Variants in IL18R1 observed in about 807,000 individuals in gnomAD.
IL18R1 encodes the protein interleukin-18 receptor 1.
IL18R1 carries 40 observed loss-of-function variants against 48.5 expected under a neutral mutation model. The observed-to-expected ratio is 0.82, with a 90% CI of 0.64 to 1.07. IL18R1 has a LOEUF of 1.07. Ranked by LOEUF, IL18R1 falls within the 50% of genes least tolerant of loss-of-function variation. The pLI is 0.00. For synonymous variants in IL18R1, 232 were observed against 225.9 expected (o/e 1.03, Z -0.24); for missense variants, 596 against 633.7 (o/e 0.94, Z 0.64).
In IL18R1 at chr2:102,367,877, T is replaced by C. The variant is rs1679001023; in HGVS notation, c.111T>C (p.Tyr37=). The C allele has an allele frequency of 1.2e-6, 2 of 1,613,938 alleles. No individual in the cohort carries two copies. The highest frequency in any genetic ancestry group is 1.3e-5 in the African/African-American group (1 of 74,952). Residue 37 remains tyrosine, a synonymous_variant, in exon 3 of 11, where the codon TAT becomes TAC. Coordinates refer to ENST00000233957, the MANE Select transcript of IL18R1 (RefSeq NM_003855.5). ...CTGTGGTTGAAGGGGAACCTTTCTA[T>C]CTGAAACATTGCTCGTGTTCACTTG... ...HITVVEGEPF[Y]LKHCSCSLAH... is the part of the protein sequence containing the mutation.
At chr2:102,381,137 C>T (rs1679895119) in intron 5 of IL18R1, among the ~76,000 whole-genome samples, 2 of 152,270 alleles carry the variant, frequency 1.3e-5, no homozygotes, top group South Asian at 4.1e-4. Flanking sequence ...AGGTGAGGTT[C>T]CTGGGGCACA....
chr2:102,394,653 A>T (rs1680726893), intron 10 of IL18R1, 26 bp downstream of exon 10: 5 of 1,556,166 alleles, frequency 3.2e-6, no homozygotes, highest in Middle Eastern at 1.7e-4. Context: ...AGATAGAAAA[A>T]TATTCAAGAT....
intron 5 of IL18R1, 128 bp from the exon 6 acceptor site, chr2:102,381,492 T>C (rs940027561): frequency 8.7e-6 from 6 of 687,736 alleles, no homozygotes; most frequent in Non-Finnish European, 1.0e-5. Flanking sequence ...CAAATAGGAC[T>C]CAAGTGAACG....
At position 102,390,103 on chromosome 2, in the gene IL18R1, A is replaced by G. The variant is rs143336529; in HGVS notation, c.997A>G (p.Ile333Val). Reference sequence around the variant, plus strand: ...CCACGTCTTCACAAGAGGAATGATCATAGCTGTTTTGATCTTGGTGGCAGT... The same window carrying G: ...CCACGTCTTCACAAGAGGAATGATCGTAGCTGTTTTGATCTTGGTGGCAGT... Reference protein sequence around the residue: ...PGHVFTRGMIIAVLILVAVVC... With the variant: ...PGHVFTRGMIVAVLILVAVVC... Residue 333 changes from isoleucine to valine, a missense_variant, in exon 9 of 11, where the codon ATA becomes GTA. By Grantham distance (29) the Ile-to-Val change is conservative (BLOSUM62 3). This residue lies in a region of IL18R1 where 57 missense variants were observed against 88.2 expected (regional missense o/e 0.65). Transcript: ENST00000233957. The G allele has an allele frequency of 2.5e-6, 4 of 1,613,758 alleles. No individual in the cohort carries two copies. Among genetic ancestry groups the G allele is most frequent in the Non-Finnish European group, 3.4e-6 (4 of 1,179,926 alleles).
At chr2:102,366,348 T>A (rs544821380) in intron 2 of IL18R1, among the ~76,000 whole-genome samples, 39 of 152,324 alleles carry the variant, frequency 2.6e-4, no homozygotes, top group African/African-American at 9.4e-4. Context: ...TCCCCAAAAG[T>A]TCCTCATCTC....
In IL18R1 at chr2:102,396,789, C is replaced by T. The variant is rs746971974; in HGVS notation, c.1529C>T (p.Ser510Leu). The T allele has an allele frequency of 6.2e-7, 1 of 1,613,872 alleles. No homozygotes were observed. The highest frequency in any genetic ancestry group is 8.5e-7 in the Non-Finnish European group (1 of 1,179,732). Residue 510 changes from serine to leucine, a missense_variant, in exon 11 of 11, where the codon TCA (serine) becomes TTA (leucine). Physicochemically the swap from Ser to Leu is moderately radical, Grantham distance 145. Transcript: ENST00000233957. ...GCCGATAAATCTCTTTCTTATAACT[C>T]AAGGTTCTGGAAGAACCTTCTTTAC... ...WKADKSLSYN[S>L]RFWKNLLYLM...
intron 4 of IL18R1, chr2:102,374,037 A>C: frequency 6.0e-6 from 2 of 332,508 alleles, no homozygotes; most frequent in Non-Finnish European, 1.3e-5. Context: ...GTGTAATAAC[A>C]ATAGAAATAA....
Position 102,390,195 on chromosome 2 carries a change from G to T in IL18R1, c.1089G>T (p.Thr363=). 1.2e-6 allele frequency: 2 copies of T among 1,613,912 alleles called. No homozygotes were observed. The highest frequency in any genetic ancestry group is 1.7e-6 in the Non-Finnish European group (2 of 1,179,880). ...TGGTTCTATTTTATAGACATTTAAC[G>T]AGAAGAGATGAAACATTAACAGGTA... is the stretch of plus-strand genomic sequence containing the variant. ...VDLVLFYRHL[T]RRDETLTDGK... The change falls in exon 9 of 11, where the codon ACG becomes ACT. Residue 363 remains threonine (T), a synonymous_variant. Transcript: ENST00000233957.
At chr2:102,395,362 T>C (rs1380902880) in intron 10 of IL18R1, among the ~76,000 whole-genome samples, 1 of 151,996 alleles carries the variant, frequency 6.6e-6, no homozygotes, top group Non-Finnish European at 1.5e-5. Flanking sequence ...AAAACAAATG[T>C]TTGATTATTA....
Position 102,397,292 on chromosome 2 carries a change from C to G in IL18R1, c.*406C>G, listed in dbSNP as rs537156362. Reference sequence around the variant, plus strand: ...AGGGGATTTTAAGTGTCTGAAGAGGCATTTTCTAGGGACCAGTGGGTGACT... The same window carrying G: ...AGGGGATTTTAAGTGTCTGAAGAGGGATTTTCTAGGGACCAGTGGGTGACT... On this transcript the variant is annotated 3_prime_UTR_variant, in exon 11 of 11. Coordinates refer to ENST00000233957, the MANE Select transcript of IL18R1 (RefSeq NM_003855.5). 1 of 161,678 alleles carries G rather than the reference C, an allele frequency of 6.2e-6. No individual in the cohort carries two copies. Among genetic ancestry groups the G allele is most frequent in the East Asian group, 1.8e-4 (1 of 5,584 alleles). 10.0% of individuals were successfully genotyped at this position (161,678 alleles called of 1,614,324 possible). A position where few individuals can be genotyped will look rare whatever the true frequency, so the allele number is the denominator to read the frequency against.
intron 8 of IL18R1, 97 bp downstream of exon 8, chr2:102,387,097 C>A (rs1005048840): frequency 3.3e-5 from 44 of 1,313,700 alleles, no homozygotes; most frequent in Non-Finnish European, 4.6e-5. Context: ...ACACCAGAAC[C>A]CAGCTCCTGA....
intron 1 of IL18R1, among the ~76,000 whole-genome samples, chr2:102,358,340 T>C (rs1038664168): frequency 3.9e-5 from 6 of 152,204 alleles, no homozygotes; most frequent in Non-Finnish European, 5.9e-5. Context: ...GAAGGGCTTT[T>C]TACTGTGCTG....
intron 3 of IL18R1, 43 bp downstream of exon 3, chr2:102,368,111 T>C: frequency 6.2e-7 from 1 of 1,607,626 alleles, no homozygotes; most frequent in South Asian, 1.1e-5. Context: ...ACAGCCCTCT[T>C]GTCCTTTGTT....
chr2:102,365,548 G>T (rs1678841333), intron 2 of IL18R1, among the ~76,000 whole-genome samples: 1 of 152,158 alleles, frequency 6.6e-6, no homozygotes, highest in Non-Finnish European at 1.5e-5. Flanking sequence ...AGCTGTCAGT[G>T]AATCTATCAT....
At chr2:102,395,583 A>G (rs549833947) in intron 10 of IL18R1, among the ~76,000 whole-genome samples, 2 of 152,332 alleles carry the variant, frequency 1.3e-5, no homozygotes, top group Admixed American at 6.5e-5. Context: ...CATACATTGT[A>G]GTATTTTTGG....
At chr2:102,381,045 T>C (rs1573214424) in intron 5 of IL18R1, among the ~76,000 whole-genome samples, 1 of 152,188 alleles carries the variant, frequency 6.6e-6, no homozygotes, top group African/African-American at 2.4e-5. Context: ...TGTGCAGTAC[T>C]TCCAGTCGGG....
intron 9 of IL18R1, among the ~76,000 whole-genome samples, chr2:102,390,666 G>A (rs952597839): frequency 2.0e-5 from 3 of 152,136 alleles, no homozygotes; most frequent in Admixed American, 2.0e-4. Context: ...GGGCGCGGTG[G>A]CTCACGCCTG....
chr2:102,385,734 G>A (rs114003263), intron 7 of IL18R1, among the ~76,000 whole-genome samples: 1,656 of 152,268 alleles, frequency 0.011, 12 homozygotes, highest in Non-Finnish European at 0.017. Context: ...CTTCTTGCCC[G>A]GGAGCAGGCA....
At chr2:102,395,790 G>A (rs1573236600) in intron 10 of IL18R1, among the ~76,000 whole-genome samples, 1 of 152,216 alleles carries the variant, frequency 6.6e-6, no homozygotes, top group South Asian at 2.1e-4. Context: ...TTTGAGAACA[G>A]TGAGAGGTCT....
Sources: gnomAD v4.1 joint callset for allele counts (sites outside exome capture counted in the v4.1 genomes callset) on GRCh38, gnomAD v4.1.1 for gene constraint, gnomAD v4.1.1 regional missense constraint, MANE v1.5 for transcripts, NCBI Gene and HGNC (gene_info 2026-07-23, HGNC 2026-07-21) for gene names.